FRYL: variants seen among roughly 807,000 people sequenced by gnomAD.
The protein encoded by FRYL is FRY like transcription coactivator.
In FRYL, 150 loss-of-function variants were observed where a neutral mutation model predicts 351.2. The ratio of observed to expected loss-of-function variants is 0.43; its 90% CI spans 0.37 to 0.49. FRYL has a LOEUF of 0.49. Ranked by LOEUF, FRYL falls within the 20% of genes least tolerant of loss-of-function variation. FRYL has a pLI of 0.00. For missense variants in FRYL, 3,036 were observed against 3,619.3 expected, an observed-to-expected ratio of 0.84 and a Z score of 4.13; for synonymous variants, 1,153 against 1,257.1, an observed-to-expected ratio of 0.92 and a Z score of 1.75.
At chr4:48,741,286 G>A (rs1356179701) in intron 1 of FRYL, among the ~76,000 whole-genome samples, 2 of 152,150 alleles carry the variant, frequency 1.3e-5, no homozygotes, top group Non-Finnish European at 2.9e-5. Flanking sequence ...GCTCATGACT[G>A]TAATCTCACC....
At chr4:48,726,556 C>T (rs538347519) in intron 1 of FRYL, among the ~76,000 whole-genome samples, 77 of 152,234 alleles carry the variant, frequency 5.1e-4, no homozygotes, top group Non-Finnish European at 9.4e-4. Context: ...GTGGCGTATG[C>T]CTGTAATCCC....
chr4:48,696,799 GA>G (rs201675327), intron 2 of FRYL, among the ~76,000 whole-genome samples: 60 of 141,304 alleles, frequency 4.2e-4, no homozygotes, highest in Admixed American at 7.1e-4. Flanking sequence ...AAGAAAATAA[GA>G]AAAAAAAAAC....
rs767417018 is a variant in FRYL at position 48,546,237 on chromosome 4, G to A, written c.5109C>T (p.Pro1703=). ...GINDFIPDYQ[P]SPMTDSGLSS... ...TAAGCCCTGAGTCAGTCATAGGGGA[G>A]GGCTGGTAATCAGGTATAAAATCGT... The change falls in exon 42 of 64, where the codon CCC becomes CCT. Residue 1703 remains proline, a synonymous_variant. Transcript: ENST00000358350. The A allele has an allele frequency of 5.6e-6, 9 of 1,613,718 alleles. No homozygotes were observed. The highest frequency in any genetic ancestry group is 7.6e-6 in the Non-Finnish European group (9 of 1,179,774).
rs748749521 is a variant in FRYL, at chr4:48,531,311, C to A, written c.6748G>T (p.Val2250Leu). 6.2e-7 allele frequency: 1 copy of A among 1,613,680 alleles called. No individual in the cohort carries two copies. The highest frequency in any genetic ancestry group is 1.7e-5 in the Admixed American group (1 of 59,996). The change falls in exon 50 of 64, where the codon GTG (valine) becomes TTG (leucine). Residue 2250 changes from valine to leucine, a missense_variant. Coordinates refer to ENST00000358350, the MANE Select transcript of FRYL (RefSeq NM_015030.2). ...ACGACAAGACTCGCAGAGCGTGACA[C>A]CACCAGCTTTAATATGTTAAGGGCT... ...KEALNILKLV[V>L]SRSASLVVPS...
intron 53 of FRYL, among the ~76,000 whole-genome samples, chr4:48,523,990 C>G (rs967582253): frequency 9.9e-5 from 15 of 152,274 alleles, no homozygotes; most frequent in African/African-American, 3.4e-4. Context: ...ATTTCAATTT[C>G]TCCCACTTAA....
chr4:48,770,656 C>T (rs1227977054), intron 1 of FRYL, among the ~76,000 whole-genome samples: 1 of 152,062 alleles, frequency 6.6e-6, no homozygotes, highest in African/African-American at 2.4e-5. Context: ...GAGCTGGTCT[C>T]GAACTCGCAA....
At chr4:48,735,952 C>A (rs1578873921) in intron 1 of FRYL, among the ~76,000 whole-genome samples, 3 of 76,322 alleles carry the variant, frequency 3.9e-5, no homozygotes, top group Admixed American at 1.8e-4. Flanking sequence ...GCACATGTAC[C>A]CTAAAACTTA....
At chr4:48,624,232 C>T (rs1200775095) in intron 4 of FRYL, among the ~76,000 whole-genome samples, 1 of 152,132 alleles carries the variant, frequency 6.6e-6, no homozygotes, top group East Asian at 1.9e-4. Context: ...TATCACATAC[C>T]AGAATATTTT....
chr4:48,595,692 A>G lies in FRYL; in HGVS notation c.1146T>C (p.Leu382=), dbSNP rs1369493719. ...GAAAAAGTGCTGACACTATGCTCAT[A>G]AGACGACTACAGGGAAAAAGATCTA... The part of the protein sequence containing the change: ...CESNTVTQSR[L]MSIVSALFPK... The change falls in exon 15 of 64, where the codon CTT becomes CTC. Residue 382 remains leucine (L), a synonymous_variant. Coordinates refer to ENST00000358350, the MANE Select transcript of FRYL (RefSeq NM_015030.2). 11 of 1,606,254 alleles carry G rather than the reference A, an allele frequency of 6.8e-6. No homozygotes were observed. Among genetic ancestry groups the G allele is most frequent in the Non-Finnish European group, 8.5e-6 (10 of 1,174,550 alleles).
chr4:48,621,545 T>G (rs928303810), intron 5 of FRYL, among the ~76,000 whole-genome samples: 1 of 152,190 alleles, frequency 6.6e-6, no homozygotes, highest in African/African-American at 2.4e-5. Flanking sequence ...TTCACAAAAA[T>G]TTCTGTATGT....
intron 1 of FRYL, among the ~76,000 whole-genome samples, chr4:48,715,138 T>C (rs1375069660): frequency 6.6e-6 from 1 of 151,974 alleles, no homozygotes; most frequent in Non-Finnish European, 1.5e-5. Flanking sequence ...TAATAAGAGC[T>C]ATCTATGACA....
chr4:48,530,549 T>G (rs1181603256), intron 50 of FRYL, among the ~76,000 whole-genome samples: 2 of 152,276 alleles, frequency 1.3e-5, no homozygotes, highest in Admixed American at 6.5e-5. Context: ...TTTGTTACTA[T>G]GAAATGCAAG....
At chr4:48,514,879 G>T in intron 56 of FRYL, 149 bp downstream of exon 56, 1 of 621,822 alleles carries the variant, frequency 1.6e-6, no homozygotes, top group Non-Finnish European at 2.6e-6. Context: ...AAGATAGTAT[G>T]ATTCTAGACT....
chr4:48,514,350 T>C (rs1323017944), intron 56 of FRYL, among the ~76,000 whole-genome samples: 2 of 152,168 alleles, frequency 1.3e-5, no homozygotes, highest in African/African-American at 4.8e-5. Flanking sequence ...TATTCTATTA[T>C]AATTCTAAGT....
chr4:48,615,712 C>A (rs1480314061), intron 7 of FRYL, among the ~76,000 whole-genome samples: 1 of 152,202 alleles, frequency 6.6e-6, no homozygotes, highest in African/African-American at 2.4e-5. Context: ...ATCATATTTA[C>A]ATTAGCTCTT....
intron 1 of FRYL, among the ~76,000 whole-genome samples, chr4:48,733,448 T>C (rs1214624420): frequency 6.6e-6 from 1 of 151,880 alleles, no homozygotes; most frequent in African/African-American, 2.4e-5. Flanking sequence ...AAGAAGTTCT[T>C]TAAAAATAAA....
chr4:48,531,179 C>G lies in FRYL; in HGVS notation c.6880G>C (p.Asp2294His), dbSNP rs781006597. 6.2e-7 allele frequency: 1 copy of G among 1,607,820 alleles called. No homozygotes were observed. ...ACCTCAGATATATCAAAATGAAAATCTAAGGTCTTCCCAGGCAACTCCTTA... is the reference window on the plus strand; with the variant it reads ...ACCTCAGATATATCAAAATGAAAATGTAAGGTCTTCCCAGGCAACTCCTTA... ...VSKELPGKTL[D>H]FHFDISETPI... is the part of the protein sequence containing the mutation. The change falls in exon 50 of 64, where the codon GAT becomes CAT. Residue 2294 changes from aspartate (D) to histidine (H), a missense_variant. By Grantham distance (81) the Asp-to-His change is moderately conservative (BLOSUM62 -1). Around this residue, in one of 7 missense-constraint regions of FRYL, gnomAD observed 1,987 missense variants for 2,311.7 expected, o/e 0.86. Coordinates refer to ENST00000358350, the MANE Select transcript of FRYL (RefSeq NM_015030.2).
At chr4:48,717,368 T>C (rs1429795796) in intron 1 of FRYL, among the ~76,000 whole-genome samples, 1 of 151,600 alleles carries the variant, frequency 6.6e-6, no homozygotes, top group African/African-American at 2.4e-5. Flanking sequence ...ATGTCCATAA[T>C]AGACAAATCT....
intron 3 of FRYL, chr4:48,636,993 T>G (rs1278524585): frequency 1.3e-5 from 2 of 151,952 alleles, no homozygotes; most frequent in Admixed American, 1.3e-4. Flanking sequence ...CAGCATTAGG[T>G]GAGTAAAGAT....
Sources: allele counts gnomAD v4.1 joint callset (sites outside exome capture counted in the v4.1 genomes callset), GRCh38; gene constraint gnomAD v4.1.1; regional missense constraint gnomAD v4.1.1; transcripts MANE v1.5; gene names NCBI Gene and HGNC (gene_info 2026-07-23, HGNC 2026-07-21).